Variants in LRRC2 observed in about 807,000 individuals in gnomAD.
The protein encoded by LRRC2 is leucine rich repeat containing 2, also known as leucine-rich repeat-containing protein 2.
Under a neutral mutation model 40.2 loss-of-function variants are expected in LRRC2, and 27 were observed. The ratio of observed to expected loss-of-function variants is 0.67; its 90% CI spans 0.49 to 0.93. LRRC2 has a LOEUF of 0.93. LRRC2 is among the 40% of genes least tolerant of loss of function. LRRC2 has a pLI of 0.00. For missense variants in LRRC2, 402 were observed against 439.6 expected, an observed-to-expected ratio of 0.91 and a Z score of 0.76; for synonymous variants, 147 against 158.9, an observed-to-expected ratio of 0.92 and a Z score of 0.56.
intron 2 of LRRC2, among the ~76,000 whole-genome samples, chr3:46,550,870 A>C (rs1237255053): frequency 6.6e-6 from 1 of 152,226 alleles, no homozygotes; most frequent in African/African-American, 2.4e-5. Context: ...CTCCACAGGG[A>C]ATAAAAATTG....
Position 46,556,034 on chromosome 3 carries a change from A to G in LRRC2, c.-19-4424T>C, listed in dbSNP as rs187184415. 1.5e-3 allele frequency among the ~76,000 whole-genome samples: 223 copies of G among 152,130 alleles called. 1 individual carries two copies. Among genetic ancestry groups the G allele is most frequent in the Non-Finnish European group, 4.0e-4 (27 of 68,018 alleles). ...TGTGCCACTTTCTTTTGGCATCCAT[A>G]GTTTCTGATTAGAAATCTGAAATAA... On this transcript the variant is annotated intron_variant, in intron 1 of 8. Coordinates refer to ENST00000395905, the MANE Select transcript of LRRC2 (RefSeq NM_024512.5).
chr3:46,554,176 T>G (rs1367649939), intron 1 of LRRC2, among the ~76,000 whole-genome samples: 1 of 152,072 alleles, frequency 6.6e-6, no homozygotes, highest in African/African-American at 2.4e-5. Context: ...TGCGCCACTA[T>G]GCCCAGATAA....
chr3:46,530,593 G>A (rs1230044602), intron 5 of LRRC2, among the ~76,000 whole-genome samples: 1 of 152,092 alleles, frequency 6.6e-6, no homozygotes, highest in Non-Finnish European at 1.5e-5. Flanking sequence ...AAAGAAAAGA[G>A]GTTTAATGGA....
intron 1 of LRRC2, among the ~76,000 whole-genome samples, chr3:46,555,145 TC>T (rs1412731350): frequency 6.6e-6 from 1 of 152,208 alleles, no homozygotes; most frequent in Non-Finnish European, 1.5e-5. Context: ...TAGATACAGG[TC>T]CTTTACCAGG....
rs1703878326 is a variant in LRRC2 at position 46,517,266 on chromosome 3, C to A, written c.*1748G>T. On this transcript the variant is annotated 3_prime_UTR_variant, in exon 9 of 9. Transcript: ENST00000395905. The stretch of plus-strand genomic sequence containing the variant: ...ATATGCATATTTTCCTTCTTAGTCA[C>A]AAAAGCTGCTTGTTTTTGTTTTTTT... 1 of 144,680 alleles carries A rather than the reference C, an allele frequency of 6.9e-6. No individual in the cohort carries two copies. The highest frequency in any genetic ancestry group is 2.3e-4 in the South Asian group (1 of 4,344). 9.0% of individuals were successfully genotyped at this position (144,680 alleles called of 1,614,324 possible). A position where few individuals can be genotyped will look rare whatever the true frequency, so the allele number is the denominator to read the frequency against.
chr3:46,535,890 TC>T (rs1384755631), intron 4 of LRRC2, among the ~76,000 whole-genome samples: 1 of 152,208 alleles, frequency 6.6e-6, no homozygotes, highest in Non-Finnish European at 1.5e-5. Flanking sequence ...ATCTATTTAA[TC>T]CTCACAACAA....
chr3:46,529,779 A>C (rs1704126190), intron 6 of LRRC2, 126 bp downstream of exon 6: 1 of 1,017,070 alleles, frequency 9.8e-7, no homozygotes, highest in African/African-American at 1.6e-5. Context: ...ATTTCCTGGA[A>C]AGGAAACTCT....
At chr3:46,541,416 G>A (rs1223696547) in intron 3 of LRRC2, among the ~76,000 whole-genome samples, 1 of 151,892 alleles carries the variant, frequency 6.6e-6, no homozygotes, top group Admixed American at 6.6e-5. Context: ...AAAAATGACA[G>A]ATTGAATGTA....
intron 7 of LRRC2, among the ~76,000 whole-genome samples, chr3:46,525,174 G>A (rs1251698146): frequency 1.4e-5 from 2 of 144,110 alleles, no homozygotes; most frequent in Admixed American, 7.3e-5. Flanking sequence ...CTGCAGCCTC[G>A]ACCTCCCAAG....
intron 7 of LRRC2, among the ~76,000 whole-genome samples, chr3:46,524,229 G>A (rs1261380527): frequency 6.6e-6 from 1 of 152,196 alleles, no homozygotes; most frequent in African/African-American, 2.4e-5. Context: ...CAAGGTACCG[G>A]CCTCACTGTG....
chr3:46,554,029 T>A (rs1439055060), intron 1 of LRRC2, among the ~76,000 whole-genome samples: 1 of 152,002 alleles, frequency 6.6e-6, no homozygotes, highest in Admixed American at 6.6e-5. Flanking sequence ...TTTTGTTGTT[T>A]TTTTTCCTGA....
At chr3:46,534,423 C>CCTTTCTTTCTTT (rs754860415) in intron 4 of LRRC2, among the ~76,000 whole-genome samples, 127 of 101,094 alleles carry the variant, frequency 1.3e-3, no homozygotes, top group East Asian at 1.6e-3. Flanking sequence ...TTCCTTCCTT[C>CCTTTCTTTCTTT]CTTTCTTTCT....
chr3:46,544,387 C>T (rs1428768830), intron 3 of LRRC2, among the ~76,000 whole-genome samples: 2 of 152,200 alleles, frequency 1.3e-5, no homozygotes, highest in Non-Finnish European at 2.9e-5. Flanking sequence ...GGCATGGTGG[C>T]ACACACCTGT....
At chr3:46,541,639 G>A (rs189098331) in intron 3 of LRRC2, among the ~76,000 whole-genome samples, 39 of 152,224 alleles carry the variant, frequency 2.6e-4, no homozygotes, top group African/African-American at 8.9e-4. Context: ...TACAACCTGG[G>A]CTTCTCACCA....
chr3:46,527,263 C>T (rs1037140292), intron 7 of LRRC2, among the ~76,000 whole-genome samples, 163 bp downstream of exon 7: 16 of 152,196 alleles, frequency 1.1e-4, no homozygotes, highest in African/African-American at 3.6e-4. Flanking sequence ...GCCACAAACT[C>T]CAAAATCCTG....
intron 4 of LRRC2, among the ~76,000 whole-genome samples, chr3:46,533,747 TTCTTCCTTCCC>T (rs1258918336): frequency 8.0e-4 from 101 of 126,418 alleles, no homozygotes; most frequent in African/African-American, 2.7e-3. Context: ...CCTTCCTTCC[TTCTTCCTTCCC>T]TCCCTCCCTC....
At chr3:46,551,362 T>A in intron 2 of LRRC2, 105 bp downstream of exon 2, 1 of 1,407,192 alleles carries the variant, frequency 7.1e-7, no homozygotes, top group Middle Eastern at 1.8e-4. Context: ...TTACCAACAG[T>A]GAGAAATCCC....
At position 46,529,402 on chromosome 3, in the gene LRRC2, C is replaced by A. The variant is rs561116611; in HGVS notation, c.773+503G>T. On this transcript the variant is annotated intron_variant, in intron 6 of 8. Coordinates refer to ENST00000395905, the MANE Select transcript of LRRC2 (RefSeq NM_024512.5). ...GACCAGCCTGGGAAACAAAGCAAGACCCTGTCTGAACAAAAAATAAAAATT... is the reference window on the plus strand; with the variant it reads ...GACCAGCCTGGGAAACAAAGCAAGAACCTGTCTGAACAAAAAATAAAAATT... Among the ~76,000 whole-genome samples the A allele has an allele frequency of 3.7e-3, 566 of 152,146 alleles. 4 individuals are homozygous for A. The highest frequency in any genetic ancestry group is 0.013 in the African/African-American group (525 of 41,516).
chr3:46,535,435 A>C (rs1419402462), intron 4 of LRRC2, among the ~76,000 whole-genome samples: 2 of 152,216 alleles, frequency 1.3e-5, no homozygotes, highest in Non-Finnish European at 2.9e-5. Context: ...ATATGACTTA[A>C]ATCTGGTATA....
Sources: gnomAD v4.1 joint callset for allele counts (sites outside exome capture counted in the v4.1 genomes callset) on GRCh38, gnomAD v4.1.1 for gene constraint, MANE v1.5 for transcripts, NCBI Gene and HGNC (gene_info 2026-07-23, HGNC 2026-07-21) for gene names.